SCFD2: variants seen among roughly 807,000 people sequenced by gnomAD.
SCFD2 encodes the protein sec1 family domain containing 2, also known as sec1 family domain-containing protein 2.
In SCFD2, 54 loss-of-function variants were observed where a neutral mutation model predicts 58.9. The ratio of observed to expected loss-of-function variants is 0.92; its 90% CI spans 0.74 to 1.15. The LOEUF (loss-of-function observed/expected upper bound fraction) is 1.15, where lower values mean the gene tolerates loss of function less well. SCFD2 is among the 50% of genes most tolerant of loss of function. The probability of loss-of-function intolerance (pLI) is 0.00; values close to 1 mark genes in which losing one functional copy is unlikely to be tolerated. For missense variants in SCFD2, 805 were observed against 836.6 expected, an observed-to-expected ratio of 0.96 and a Z score of 0.47; for synonymous variants, 321 against 335.9, an observed-to-expected ratio of 0.96 and a Z score of 0.49.
At chr4:53,015,940 T>C (rs1722202883) in intron 5 of SCFD2, among the ~76,000 whole-genome samples, 1 of 152,176 alleles carries the variant, frequency 6.6e-6, no homozygotes, top group South Asian at 2.1e-4. Context: ...GGCAGATGTT[T>C]GTCCTGTACA....
Position 52,920,827 on chromosome 4 carries a change from A to G in SCFD2, c.1605T>C (p.Ile535=), listed in dbSNP as rs1429455136. ...SINLTFHKSK[I]AVDELFTSLR... ...GTGAAGTAAAGAGTTCATCCACGGC[A>G]ATTTTGGATTTGTGAAATGTCAGAT... Residue 535 remains isoleucine (I), a synonymous_variant, in exon 6 of 9, where the codon ATT becomes ATC. Coordinates refer to ENST00000401642, the MANE Select transcript of SCFD2 (RefSeq NM_152540.4). 7 of 1,611,758 alleles carry G rather than the reference A, an allele frequency of 4.3e-6. No homozygotes were observed. The highest frequency in any genetic ancestry group is 5.9e-6 in the Non-Finnish European group (7 of 1,178,514).
intron 5 of SCFD2, among the ~76,000 whole-genome samples, chr4:53,069,293 C>G (rs1452229402): frequency 1.3e-5 from 2 of 152,022 alleles, no homozygotes; most frequent in African/African-American, 4.8e-5. Flanking sequence ...CACACATCCT[C>G]ATTATGAATG....
At chr4:53,254,802 A>T (rs1253223198) in intron 4 of SCFD2, among the ~76,000 whole-genome samples, 1 of 134,544 alleles carries the variant, frequency 7.4e-6, no homozygotes, top group Admixed American at 7.5e-5. Flanking sequence ...TGTTTATTTT[A>T]TTTTTTTATT....
intron 5 of SCFD2, among the ~76,000 whole-genome samples, chr4:53,069,442 A>G (rs1723754285): frequency 6.6e-6 from 1 of 152,090 alleles, no homozygotes; most frequent in South Asian, 2.1e-4. Flanking sequence ...AGACTTCATC[A>G]GCAAAAGCAG....
At chr4:53,364,953 A>T in intron 1 of SCFD2, 151 bp downstream of exon 1, 2 of 900,848 alleles carry the variant, frequency 2.2e-6, no homozygotes, top group Non-Finnish European at 3.3e-6. Flanking sequence ...TAGACAATAA[A>T]CTCTGTGAGA....
At chr4:52,918,812 G>A (rs1013279409) in intron 6 of SCFD2, among the ~76,000 whole-genome samples, 2 of 152,054 alleles carry the variant, frequency 1.3e-5, no homozygotes, top group Non-Finnish European at 2.9e-5. Context: ...GCGGACCTTG[G>A]GCCAAGGATT....
chr4:53,168,089 A>T (rs1295567671), intron 4 of SCFD2, among the ~76,000 whole-genome samples: 3 of 152,234 alleles, frequency 2.0e-5, no homozygotes, highest in Admixed American at 2.0e-4. Context: ...AATAAGTAAA[A>T]CAAAAACCAA....
chr4:53,331,038 A>G (rs1253638899), intron 2 of SCFD2, among the ~76,000 whole-genome samples: 1 of 151,752 alleles, frequency 6.6e-6, no homozygotes, highest in Non-Finnish European at 1.5e-5. Context: ...TTCAACAAGA[A>G]GAGCTAACTA....
chr4:53,321,363 ATTTTTAAAAGG>A (rs1733016842), intron 2 of SCFD2, among the ~76,000 whole-genome samples: 1 of 152,028 alleles, frequency 6.6e-6, no homozygotes, highest in African/African-American at 2.4e-5. Context: ...AGACAGCAAA[ATTTTTAAAAGG>A]TGGCTGAATG....
At chr4:53,146,366 C>T (rs1726331670) in intron 4 of SCFD2, among the ~76,000 whole-genome samples, 3 of 152,046 alleles carry the variant, frequency 2.0e-5, no homozygotes, top group African/African-American at 7.2e-5. Context: ...AAATCCTCAT[C>T]TTAAATAATA....
chr4:52,992,630 T>G (rs1189707021), intron 5 of SCFD2, among the ~76,000 whole-genome samples: 1 of 148,992 alleles, frequency 6.7e-6, no homozygotes, highest in Non-Finnish European at 1.5e-5. Context: ...GGAGTGCCTC[T>G]GCCCCGCCAC....
intron 3 of SCFD2, among the ~76,000 whole-genome samples, chr4:53,311,612 C>G (rs1732692078): frequency 6.6e-6 from 1 of 151,170 alleles, no homozygotes; most frequent in Admixed American, 6.6e-5. Flanking sequence ...CATGAAGACC[C>G]TTTGTGCATT....
chr4:52,895,210 G>A (rs922544190), intron 7 of SCFD2, among the ~76,000 whole-genome samples: 32 of 151,440 alleles, frequency 2.1e-4, no homozygotes, highest in Non-Finnish European at 3.8e-4. Context: ...TAGGATACAT[G>A]TGCACAACGT....
At chr4:53,274,382 A>G (rs1731266915) in intron 3 of SCFD2, among the ~76,000 whole-genome samples, 1 of 152,176 alleles carries the variant, frequency 6.6e-6, no homozygotes, top group African/African-American at 2.4e-5. Flanking sequence ...TCTAAGAGGG[A>G]AAAAGATAAG....
chr4:53,083,537 T>G (rs1193951509), intron 5 of SCFD2, among the ~76,000 whole-genome samples: 1 of 152,188 alleles, frequency 6.6e-6, no homozygotes, highest in African/African-American at 2.4e-5. Flanking sequence ...TAAATATTGA[T>G]GCAAAATCTT....
intron 4 of SCFD2, among the ~76,000 whole-genome samples, chr4:53,162,260 T>C (rs1183877125): frequency 6.6e-6 from 1 of 152,152 alleles, no homozygotes; most frequent in Non-Finnish European, 1.5e-5. Context: ...GAGCTACATC[T>C]TGGCAAATTA....
chr4:53,253,250 A>G (rs2149042840), intron 4 of SCFD2, among the ~76,000 whole-genome samples: 1 of 152,324 alleles, frequency 6.6e-6, no homozygotes, highest in East Asian at 1.9e-4. Flanking sequence ...CAGGTGCTGG[A>G]GAGGATGTGG....
At chr4:53,102,077 C>T (rs1412840138) in intron 5 of SCFD2, among the ~76,000 whole-genome samples, 2 of 152,140 alleles carry the variant, frequency 1.3e-5, no homozygotes, top group Non-Finnish European at 2.9e-5. Flanking sequence ...ATCAATGAAG[C>T]AGAACAGCAA....
intron 4 of SCFD2, among the ~76,000 whole-genome samples, chr4:53,159,906 T>C (rs1726803250): frequency 6.6e-6 from 1 of 152,128 alleles, no homozygotes; most frequent in Admixed American, 6.5e-5. Flanking sequence ...TACCACTATA[T>C]GAAAAAGGAT....
Sources: gnomAD v4.1 joint callset for allele counts (sites outside exome capture counted in the v4.1 genomes callset) on GRCh38, gnomAD v4.1.1 for gene constraint, MANE v1.5 for transcripts, NCBI Gene and HGNC (gene_info 2026-07-23, HGNC 2026-07-21) for gene names.